Variants in ERCC6L2 observed in about 807,000 individuals in gnomAD.
ERCC6L2 encodes DNA excision repair protein ERCC-6-like 2.
ERCC6L2 carries 77 observed loss-of-function variants against 132.0 expected under a neutral mutation model. The ratio of observed to expected loss-of-function variants is 0.58; its 90% CI spans 0.49 to 0.71. The LOEUF (loss-of-function observed/expected upper bound fraction) is 0.71, where lower values mean the gene tolerates loss of function less well. ERCC6L2 is among the 30% of genes least tolerant of loss of function. The pLI is 0.00. For missense variants in ERCC6L2, 1,542 were observed against 1,837.6 expected (o/e 0.84, Z 2.94); for synonymous variants, 583 against 632.4 (o/e 0.92, Z 1.17).
At chr9:95,994,488 G>A (rs1029316056) in intron 17 of ERCC6L2, among the ~76,000 whole-genome samples, 1 of 152,126 alleles carries the variant, frequency 6.6e-6, no homozygotes, top group Non-Finnish European at 1.5e-5. Context: ...TGCTCCGTGA[G>A]GTATATTCTG....
At chr9:95,948,606 A>G (rs750520816) in intron 12 of ERCC6L2, among the ~76,000 whole-genome samples, 1 of 152,228 alleles carries the variant, frequency 6.6e-6, no homozygotes, top group Non-Finnish European at 1.5e-5. Flanking sequence ...AGATGGCAGC[A>G]TACCCAGGCA....
chr9:96,001,075 G>A (rs186843911), intron 17 of ERCC6L2, among the ~76,000 whole-genome samples: 41 of 152,094 alleles, frequency 2.7e-4, no homozygotes, highest in African/African-American at 9.2e-4. Flanking sequence ...TTAAGGCAGC[G>A]CGTCTGGAGT....
intron 13 of ERCC6L2, among the ~76,000 whole-genome samples, chr9:95,960,852 G>A (rs1831868584): frequency 3.3e-5 from 5 of 152,026 alleles, no homozygotes; most frequent in Admixed American, 3.3e-4. Flanking sequence ...GCCCAGGCTG[G>A]TTGAAACTGT....
intron 3 of ERCC6L2, among the ~76,000 whole-genome samples, chr9:95,901,695 A>T (rs1828787236): frequency 6.6e-6 from 1 of 152,194 alleles, no homozygotes; most frequent in Non-Finnish European, 1.5e-5. Context: ...ACCTGCTGGT[A>T]CTGCCCTTCC....
intron 13 of ERCC6L2, among the ~76,000 whole-genome samples, chr9:95,962,086 T>C (rs1831929854): frequency 6.6e-6 from 1 of 151,940 alleles, no homozygotes; most frequent in African/African-American, 2.4e-5. Flanking sequence ...TACAAACCAA[T>C]GAAAAGAATA....
intron 17 of ERCC6L2, among the ~76,000 whole-genome samples, chr9:96,003,950 T>G (rs1420689180): frequency 6.6e-6 from 1 of 152,244 alleles, no homozygotes; most frequent in East Asian, 1.9e-4. Flanking sequence ...GGCAGGCAAT[T>G]CATGGTCTCT....
At chr9:95,912,629 C>T (rs1469960893) in intron 4 of ERCC6L2, among the ~76,000 whole-genome samples, 1 of 152,118 alleles carries the variant, frequency 6.6e-6, no homozygotes, top group East Asian at 1.9e-4. Flanking sequence ...TTAAAATTTC[C>T]TCAGTTATTC....
chr9:95,907,037 A>G (rs1829073416), intron 3 of ERCC6L2, 41 bp from the exon 4 acceptor site: 1 of 1,441,806 alleles, frequency 6.9e-7, no homozygotes, highest in Non-Finnish European at 9.5e-7. Context: ...ATTCTTTTTC[A>G]GTTTTTAAAA....
In ERCC6L2 at chr9:95,922,350, C is replaced by T; in HGVS notation, c.1345C>T (p.Leu449Phe). Residue 449 changes from leucine to phenylalanine, a missense_variant, in exon 8 of 19, where the codon CTT (leucine) becomes TTT (phenylalanine). This residue lies in a region of ERCC6L2 where 945 missense variants were observed against 1,105.2 expected (regional missense o/e 0.86). Transcript: ENST00000653738. The stretch of plus-strand genomic sequence containing the variant: ...AGTGAAAACCTTGTATCTCAGTTAC[C>T]TTACAGTCCTTCAGAAGGTAGCTAA... ...ETVKTLYLSY[L>F]TVLQKVANHV... is the part of the protein sequence containing the mutation. 2 of 1,613,360 alleles carry T rather than the reference C, an allele frequency of 1.2e-6. No homozygotes were observed. Among genetic ancestry groups the T allele is most frequent in the Middle Eastern group, 3.3e-4 (2 of 6,054 alleles).
intron 12 of ERCC6L2, among the ~76,000 whole-genome samples, chr9:95,941,776 A>G (rs1290752215): frequency 6.6e-6 from 1 of 152,212 alleles, no homozygotes; most frequent in Non-Finnish European, 1.5e-5. Context: ...TGACTTAAGA[A>G]GAAAGAATAA....
Position 95,915,589 on chromosome 9 carries a change from AG to A in ERCC6L2, c.789-78del, listed in dbSNP as rs779060782. The A allele has an allele frequency of 4.1e-4, 566 of 1,392,418 alleles. 1 individual carries two copies. Among genetic ancestry groups the A allele is most frequent in the Non-Finnish European group, 5.3e-4 (545 of 1,025,806 alleles). 86.3% of individuals were successfully genotyped at this position (1,392,418 alleles called of 1,614,324 possible). On this transcript the variant is annotated intron_variant, in intron 4 of 18. Transcript: ENST00000653738. ...AAAAATAATTCCAAAACTTTGATAG[AG>A]AAAGCTACTGTCTAAAATTGTAAGG...
At chr9:95,958,000 TATATCTCCTA>T (rs1831698617) in intron 13 of ERCC6L2, among the ~76,000 whole-genome samples, 1 of 150,452 alleles carries the variant, frequency 6.6e-6, no homozygotes. Flanking sequence ...TAACATTAGG[TATATCTCCTA>T]ATGCTATCCC....
chr9:95,964,109 A>G (rs1391087284), intron 13 of ERCC6L2, among the ~76,000 whole-genome samples: 3 of 152,120 alleles, frequency 2.0e-5, no homozygotes, highest in Non-Finnish European at 4.4e-5. Flanking sequence ...AGCTACCACT[A>G]TAATGGTTGT....
chr9:95,915,241 T>C (rs957711635), intron 4 of ERCC6L2, among the ~76,000 whole-genome samples: 1 of 152,194 alleles, frequency 6.6e-6, no homozygotes, highest in African/African-American at 2.4e-5. Context: ...AACAATCAAC[T>C]CTAAACTTTC....
intron 4 of ERCC6L2, 54 bp downstream of exon 4, chr9:95,907,325 C>A: frequency 2.4e-5 from 22 of 899,242 alleles, no homozygotes; most frequent in Non-Finnish European, 3.5e-5. Context: ...ACTTACATCC[C>A]TTTATATTAA....
chr9:95,908,271 A>G (rs571354508), intron 4 of ERCC6L2, among the ~76,000 whole-genome samples: 1 of 152,274 alleles, frequency 6.6e-6, no homozygotes, highest in African/African-American at 2.4e-5. Context: ...AGAGGTGATT[A>G]AAACCGAGGC....
At chr9:96,001,895 C>T (rs893877051) in intron 17 of ERCC6L2, among the ~76,000 whole-genome samples, 3 of 152,244 alleles carry the variant, frequency 2.0e-5, no homozygotes, top group South Asian at 2.1e-4. Context: ...GGCGAGAAAT[C>T]GAGCGTAGCA....
intron 19 of ERCC6L2, among the ~76,000 whole-genome samples, chr9:96,029,893 C>T (rs909162993): frequency 7.9e-5 from 12 of 152,198 alleles, no homozygotes; most frequent in Non-Finnish European, 1.3e-4. Flanking sequence ...GCAAACGACT[C>T]GCTGTTGGGC....
At chr9:95,984,232 A>G (rs1833004668) in intron 17 of ERCC6L2, among the ~76,000 whole-genome samples, 1 of 147,084 alleles carries the variant, frequency 6.8e-6, no homozygotes, top group Admixed American at 6.8e-5. Context: ...TATATATTAT[A>G]TATGTTATAT....
Sources: allele counts gnomAD v4.1 joint callset (sites outside exome capture counted in the v4.1 genomes callset), GRCh38; gene constraint gnomAD v4.1.1; regional missense constraint gnomAD v4.1.1; transcripts MANE v1.5; gene names NCBI Gene and HGNC (gene_info 2026-07-23, HGNC 2026-07-21).